The following STX3 variants were observed in gnomAD, a reference collection of about 807,000 sequenced individuals.
The protein encoded by STX3 is syntaxin-3.
A neutral mutation model predicts 40.2 loss-of-function variants in STX3; 19 were observed. The observed-to-expected ratio is 0.47, with a 90% CI of 0.33 to 0.69. The LOEUF (loss-of-function observed/expected upper bound fraction) is 0.69, where lower values mean the gene tolerates loss of function less well. Ranked by LOEUF, STX3 falls within the 30% of genes least tolerant of loss-of-function variation. The pLI is 0.02. For missense variants in STX3, 364 were observed against 366.7 expected (o/e 0.99, Z 0.06); for synonymous variants, 122 against 132.2 (o/e 0.92, Z 0.53).
Position 59,802,253 on chromosome 11 carries a change from C to G in STX3, c.*1429C>G, listed in dbSNP as rs1865913384. ...ATCATGGAAACAGCAGCAGCAGCCG[C>G]TAGGAAATCTTCAAGTGTAGTGTCT... On this transcript the variant is annotated 3_prime_UTR_variant, in exon 11 of 11. Transcript: ENST00000337979. The G allele has an allele frequency of 1.0e-6, 1 of 985,354 alleles. No homozygotes were observed. Among genetic ancestry groups the G allele is most frequent in the South Asian group, 4.7e-5 (1 of 21,288 alleles). The allele number at this position is 985,354 out of a possible 1,614,324, so 61.0% of individuals were successfully genotyped here.
chr11:59,786,804 G>A (rs1864806782), intron 2 of STX3, among the ~76,000 whole-genome samples: 1 of 152,154 alleles, frequency 6.6e-6, no homozygotes, highest in Non-Finnish European at 1.5e-5. Flanking sequence ...GTGGGTGAAT[G>A]TATTACTCTT....
chr11:59,784,127 A>G (rs1274297489), intron 2 of STX3, among the ~76,000 whole-genome samples: 1 of 152,210 alleles, frequency 6.6e-6, no homozygotes, highest in East Asian at 1.9e-4. Flanking sequence ...GTCTCATCCT[A>G]GAAACTTCCT....
chr11:59,754,367 A>G (rs1862605518), upstream of STX3: 1 of 152,294 alleles, frequency 6.6e-6, no homozygotes, highest in Non-Finnish European at 1.5e-5. Flanking sequence ...TTACAAAGAT[A>G]TTTACAGCTT....
rs1488579290 is a variant in STX3 at position 59,802,274 on chromosome 11, T to G, written c.*1450T>G. On this transcript the variant is annotated 3_prime_UTR_variant, in exon 11 of 11. Transcript: ENST00000337979. ...GCCGCTAGGAAATCTTCAAGTGTAG[T>G]GTCTGTGCTAACCCAGTGGTAAATC... 1 of 985,384 alleles carries G rather than the reference T, an allele frequency of 1.0e-6. No individual in the cohort carries two copies. The highest frequency in any genetic ancestry group is 1.2e-6 in the Non-Finnish European group (1 of 829,982). The allele number at this position is 985,384 out of a possible 1,614,324, so 61.0% of individuals were successfully genotyped here.
chr11:59,787,062 A>T lies in STX3; in HGVS notation c.140A>T (p.Asp47Val). Residue 47 changes from aspartate (D) to valine (V), a missense_variant, in exon 3 of 11, where the codon GAC becomes GTC. By Grantham distance (152) the Asp-to-Val change is radical (BLOSUM62 -3). Transcript: ENST00000337979. ...ATTGAGGAAACTCGGCTTAACATTG[A>T]CAAGATCTCAGAACATGTAGAGGAG... ...SEIEETRLNI[D>V]KISEHVEEAK... 6.2e-7 allele frequency: 1 copy of T among 1,614,174 alleles called. No homozygotes were observed. Among genetic ancestry groups the T allele is most frequent in the Non-Finnish European group, 8.5e-7 (1 of 1,180,026 alleles).
At chr11:59,782,168 G>A (rs1206444482) in intron 2 of STX3, among the ~76,000 whole-genome samples, 3 of 152,242 alleles carry the variant, frequency 2.0e-5, no homozygotes, top group Admixed American at 6.5e-5. Flanking sequence ...TCCAGATCTC[G>A]AAAATAACTC....
Position 59,792,153 on chromosome 11 carries a change from A to C in STX3, c.404A>C (p.Asn135Thr). 6.2e-7 allele frequency: 1 copy of C among 1,614,140 alleles called. No homozygotes were observed. Among genetic ancestry groups the C allele is most frequent in the Non-Finnish European group, 8.5e-7 (1 of 1,180,032 alleles). ...TTTGTGGAGGTGATGACCAAATACAATGAAGCTCAAGTGGACTTCCGAGAA... is the reference window on the plus strand; with the variant it reads ...TTTGTGGAGGTGATGACCAAATACACTGAAGCTCAAGTGGACTTCCGAGAA... Reference protein sequence around the residue: ...RKFVEVMTKYNEAQVDFRERS... With the variant: ...RKFVEVMTKYTEAQVDFRERS... Residue 135 changes from asparagine (N) to threonine (T), a missense_variant, in exon 6 of 11, where the codon AAT becomes ACT. Coordinates refer to ENST00000337979, the MANE Select transcript of STX3 (RefSeq NM_004177.5).
intron 2 of STX3, among the ~76,000 whole-genome samples, 168 bp downstream of exon 2, chr11:59,773,462 A>G (rs1217016262): frequency 6.6e-6 from 1 of 152,200 alleles, no homozygotes; most frequent in Admixed American, 6.5e-5. Context: ...TTCAATATTT[A>G]CTTGAATCTG....
chr11:59,769,434 A>T (rs1437457158), intron 1 of STX3, among the ~76,000 whole-genome samples: 1 of 152,196 alleles, frequency 6.6e-6, no homozygotes, highest in African/African-American at 2.4e-5. Context: ...CATAAAGGTC[A>T]TAAGGTCTGT....
Position 59,801,655 on chromosome 11 carries a change from T to C in STX3, c.*831T>C. On this transcript the variant is annotated 3_prime_UTR_variant, in exon 11 of 11. Transcript: ENST00000337979. ...GCCAAAAATAATCAGGGATTTTAAATTGGGCAAGGGACAAGGTGCTAGAAT... is the reference window on the plus strand; with the variant it reads ...GCCAAAAATAATCAGGGATTTTAAACTGGGCAAGGGACAAGGTGCTAGAAT... The C allele has an allele frequency of 3.0e-6, 3 of 985,702 alleles. No individual in the cohort carries two copies. The highest frequency in any genetic ancestry group is 3.6e-6 in the Non-Finnish European group (3 of 829,942). 61.1% of individuals were successfully genotyped at this position (985,702 alleles called of 1,614,324 possible).
intron 1 of STX3, among the ~76,000 whole-genome samples, chr11:59,758,890 G>T (rs1468165301): frequency 6.6e-6 from 1 of 152,204 alleles, no homozygotes; most frequent in Non-Finnish European, 1.5e-5. Flanking sequence ...GTGTAATGGT[G>T]ATAAACGCAT....
chr11:59,802,024 G>T lies in STX3; in HGVS notation c.*1200G>T, dbSNP rs1243327117. The T allele has an allele frequency of 1.0e-6, 1 of 985,416 alleles. No homozygotes were observed. The highest frequency in any genetic ancestry group is 1.2e-6 in the Non-Finnish European group (1 of 829,930). 61.0% of individuals were successfully genotyped at this position (985,416 alleles called of 1,614,324 possible). A position where few individuals can be genotyped will look rare whatever the true frequency, so the allele number is the denominator to read the frequency against. ...AGTTTTTCTGCTTAGCAGACAGAAG[G>T]TATAATTTTTTGACACCCTTTCCCA... On this transcript the variant is annotated 3_prime_UTR_variant, in exon 11 of 11. Coordinates refer to ENST00000337979, the MANE Select transcript of STX3 (RefSeq NM_004177.5).
Position 59,797,349 on chromosome 11 carries a change from T to G in STX3, c.853T>G (p.Ser285Ala), listed in dbSNP as rs34753750. Residue 285 changes from serine (S) to alanine (A), a missense_variant, in exon 10 of 11, where the codon TCC (serine) becomes GCC (alanine). Ser to Ala is a moderately conservative substitution (Grantham distance 99). Coordinates refer to ENST00000337979, the MANE Select transcript of STX3 (RefSeq NM_004177.5). The part of the protein sequence containing the change: ...LGILALIIGL[S>A]VGLN ...CATTTTAGCATTGATTATTGGACTT[T>G]CCGTTGGGCTGAATTAAGAGTGGCC... 9.3e-6 allele frequency: 15 copies of G among 1,614,074 alleles called. No homozygotes were observed. In the Admixed American group the frequency reaches 1.8e-4, roughly 20 times the overall value.
Position 59,801,446 on chromosome 11 carries a change from C to T in STX3, c.*622C>T. 1.0e-6 allele frequency: 1 copy of T among 986,344 alleles called. No homozygotes were observed. The highest frequency in any genetic ancestry group is 1.2e-6 in the Non-Finnish European group (1 of 830,562). 61.1% of individuals were successfully genotyped at this position (986,344 alleles called of 1,614,324 possible). Reference sequence around the variant, plus strand: ...GCTCTTAGTTGTTCAGCTTGGGGGGCAACTTTGATTTTTCTCTGTGTTGTA... The same window carrying T: ...GCTCTTAGTTGTTCAGCTTGGGGGGTAACTTTGATTTTTCTCTGTGTTGTA... On this transcript the variant is annotated 3_prime_UTR_variant, in exon 11 of 11. Transcript: ENST00000337979.
chr11:59,778,367 C>T (rs1864119996), intron 2 of STX3, among the ~76,000 whole-genome samples: 2 of 152,116 alleles, frequency 1.3e-5, no homozygotes, highest in Admixed American at 1.3e-4. Context: ...CCCTTGTGGC[C>T]TCCTGGATAG....
Position 59,802,340 on chromosome 11 carries a change from TGG to T in STX3, c.*1518_*1519del. 1.0e-6 allele frequency: 1 copy of T among 985,498 alleles called. No homozygotes were observed. The allele number at this position is 985,498 out of a possible 1,614,324, so 61.0% of individuals were successfully genotyped here. A position where few individuals can be genotyped will look rare whatever the true frequency, so the allele number is the denominator to read the frequency against. On this transcript the variant is annotated 3_prime_UTR_variant, in exon 11 of 11. Transcript: ENST00000337979. ...TGGTCTCTGGCAGTCTCCTTGATTTTGGGTACCATGTATATTTTCCGCTTTGA... is the reference window on the plus strand; with the variant it reads ...TGGTCTCTGGCAGTCTCCTTGATTTTGTACCATGTATATTTTCCGCTTTGA...
intron 10 of STX3, among the ~76,000 whole-genome samples, chr11:59,799,461 T>C (rs34706192): frequency 0.016 from 2,489 of 152,350 alleles, 28 homozygotes; most frequent in Non-Finnish European, 0.028. Flanking sequence ...CTCTCAAATA[T>C]TTAACATTTT....
intron 1 of STX3, among the ~76,000 whole-genome samples, chr11:59,759,369 C>T (rs932567234): frequency 2.6e-5 from 4 of 152,226 alleles, no homozygotes; most frequent in Admixed American, 2.6e-4. Context: ...ATGGTACCTG[C>T]TGACCACCAT....
chr11:59,784,283 TA>T (rs1470346555), intron 2 of STX3, among the ~76,000 whole-genome samples: 6 of 152,268 alleles, frequency 3.9e-5, no homozygotes, highest in Admixed American at 1.3e-4. Flanking sequence ...TGTTAAAATT[TA>T]AAATTTGATA....
Sources: allele counts gnomAD v4.1 joint callset (sites outside exome capture counted in the v4.1 genomes callset), GRCh38; gene constraint gnomAD v4.1.1; transcripts MANE v1.5; gene names NCBI Gene and HGNC (gene_info 2026-07-23, HGNC 2026-07-21).